The following KIF26B variants were observed in gnomAD, a reference collection of about 807,000 sequenced individuals.
KIF26B encodes the protein kinesin family member 26B.
A neutral mutation model predicts 151.2 loss-of-function variants in KIF26B; 63 were observed. That is an observed-to-expected ratio of 0.42 (90% CI 0.34 to 0.51). The LOEUF (loss-of-function observed/expected upper bound fraction) is 0.51, where lower values mean the gene tolerates loss of function less well. Ranked by LOEUF, KIF26B falls within the 20% of genes least tolerant of loss-of-function variation. The pLI, the probability that KIF26B is intolerant of heterozygous loss-of-function variation, is 0.07. For synonymous variants in KIF26B, 1,357 were observed against 1,262.1 expected, an observed-to-expected ratio of 1.08 and a Z score of -1.59; for missense variants, 2,813 against 2,913.6, an observed-to-expected ratio of 0.97 and a Z score of 0.79.
intron 3 of KIF26B, among the ~76,000 whole-genome samples, chr1:245,411,216 G>A (rs1674273941): frequency 6.6e-6 from 1 of 152,192 alleles, no homozygotes; most frequent in African/African-American, 2.4e-5. Flanking sequence ...ACCCTGCCAG[G>A]GAAAGGCATC....
intron 5 of KIF26B, among the ~76,000 whole-genome samples, chr1:245,593,965 G>A (rs2103138945): frequency 6.6e-6 from 1 of 152,196 alleles, no homozygotes; most frequent in South Asian, 2.1e-4. Context: ...CCACATAAAT[G>A]TTTTCTTTTG....
intron 9 of KIF26B, among the ~76,000 whole-genome samples, chr1:245,612,462 A>G (rs1244719405): frequency 6.6e-6 from 1 of 152,190 alleles, no homozygotes; most frequent in East Asian, 1.9e-4. Context: ...GTAATTCAAG[A>G]TAATTATAGT....
chr1:245,227,424 C>T lies in KIF26B; in HGVS notation c.465+70741C>T, dbSNP rs1265055138. Among the ~76,000 whole-genome samples, 2 of 152,196 alleles carry T rather than the reference C, an allele frequency of 1.3e-5. No homozygotes were observed. Among genetic ancestry groups the T allele is most frequent in the Non-Finnish European group, 2.9e-5 (2 of 68,034 alleles). On this transcript the variant is annotated intron_variant, in intron 2 of 14. Transcript: ENST00000407071. The surrounding 1 kb of genome is among the most constrained non-coding windows in gnomAD (Gnocchi z 4.1). The stretch of plus-strand genomic sequence containing the variant: ...ACCTCTGCATCTGGGCCTAAGGCTG[C>T]GGCCTCCGTCCTCTTCGCCATCATT...
intron 4 of KIF26B, among the ~76,000 whole-genome samples, chr1:245,451,408 T>G (rs1381684812): frequency 6.6e-6 from 1 of 151,962 alleles, no homozygotes; most frequent in Non-Finnish European, 1.5e-5. Context: ...TTATTACATT[T>G]ATTTATTTCT....
intron 4 of KIF26B, among the ~76,000 whole-genome samples, chr1:245,510,338 G>T (rs1331714394): frequency 6.6e-6 from 1 of 152,184 alleles, no homozygotes; most frequent in African/African-American, 2.4e-5. Flanking sequence ...ATATATATCT[G>T]CATCTGTTTG....
chr1:245,566,764 C>T (rs762729857), intron 5 of KIF26B, among the ~76,000 whole-genome samples: 1 of 152,122 alleles, frequency 6.6e-6, no homozygotes. Flanking sequence ...CCCATCTCTA[C>T]TAAAATACAA....
chr1:245,243,473 T>C (rs12736639), intron 2 of KIF26B, among the ~76,000 whole-genome samples: 121 of 98,618 alleles, frequency 1.2e-3, no homozygotes, highest in East Asian at 5.6e-3. Flanking sequence ...CACACACACA[T>C]ATATATATAC....
At chr1:245,621,850 A>AT (rs2043666094) in intron 9 of KIF26B, among the ~76,000 whole-genome samples, 1 of 152,208 alleles carries the variant, frequency 6.6e-6, no homozygotes, top group Non-Finnish European at 1.5e-5. Flanking sequence ...CAGAGAGTAG[A>AT]TTTTCCATTG....
chr1:245,688,665 C>T lies in KIF26B; in HGVS notation c.5682C>T (p.Gly1894=), dbSNP rs774742790. 3 of 1,604,024 alleles carry T rather than the reference C, an allele frequency of 1.9e-6. No individual in the cohort carries two copies. The highest frequency in any genetic ancestry group is 2.3e-5 in the East Asian group (1 of 44,412). Residue 1894 remains glycine (G), a synonymous_variant, in exon 12 of 15, where the codon GGC becomes GGT. Transcript: ENST00000407071. ...CGGCCCTGTTCTACCACAGCGGCGG[C>T]AGCAGCGGCTACGAGAGCGTGATGC... The part of the protein sequence containing the change: ...GKTALFYHSG[G]SSGYESVMRD...
At chr1:245,348,815 C>T (rs1672509278) in intron 2 of KIF26B, among the ~76,000 whole-genome samples, 1 of 152,186 alleles carries the variant, frequency 6.6e-6, no homozygotes. Flanking sequence ...CAACTCGCCC[C>T]CACCCAGTCC....
chr1:245,356,253 G>A (rs1230710789), intron 2 of KIF26B, among the ~76,000 whole-genome samples: 1 of 152,132 alleles, frequency 6.6e-6, no homozygotes, highest in African/African-American at 2.4e-5. Flanking sequence ...AAAGCAAAAA[G>A]GGATAAAAAT....
intron 2 of KIF26B, among the ~76,000 whole-genome samples, chr1:245,199,281 C>T (rs530134471): frequency 4.6e-5 from 7 of 152,206 alleles, no homozygotes; most frequent in Non-Finnish European, 2.9e-5. Flanking sequence ...GGCAAATACA[C>T]GCAAGTGTGC....
intron 4 of KIF26B, among the ~76,000 whole-genome samples, chr1:245,486,857 G>A (rs1210839569): frequency 2.0e-5 from 3 of 152,182 alleles, no homozygotes; most frequent in Non-Finnish European, 4.4e-5. Flanking sequence ...TTTTTGCAGA[G>A]ACAGGGTCTC....
intron 5 of KIF26B, among the ~76,000 whole-genome samples, chr1:245,578,104 C>T (rs937374930): frequency 3.3e-5 from 5 of 152,238 alleles, no homozygotes. Context: ...ACGAATAGAA[C>T]TTGGCCCAGT....
intron 2 of KIF26B, among the ~76,000 whole-genome samples, chr1:245,338,479 C>T (rs910140105): frequency 1.3e-5 from 2 of 152,182 alleles, no homozygotes; most frequent in Admixed American, 6.5e-5. Context: ...GTCCCCAATC[C>T]AGATGTTGGG....
chr1:245,688,884 T>C (rs1056569376), intron 12 of KIF26B, 77 bp downstream of exon 12: 6 of 1,462,210 alleles, frequency 4.1e-6, no homozygotes, highest in Non-Finnish European at 5.4e-6. Context: ...TGCCAGGGTG[T>C]CCCGTGCCCT....
chr1:245,629,308 A>G (rs1171129302), intron 9 of KIF26B, among the ~76,000 whole-genome samples: 2 of 152,208 alleles, frequency 1.3e-5, no homozygotes, highest in Non-Finnish European at 2.9e-5. Flanking sequence ...ATCAAAAAGA[A>G]CAAAGCTGGG....
chr1:245,688,914 C>T (rs966584182), intron 12 of KIF26B, 107 bp downstream of exon 12: 40 of 1,356,328 alleles, frequency 2.9e-5, no homozygotes, highest in Admixed American at 1.2e-4. Flanking sequence ...GCGTCCAGGC[C>T]TGGCCTCTCC....
chr1:245,155,916 G>T (rs1018384746), intron 1 of KIF26B, among the ~76,000 whole-genome samples: 1 of 152,104 alleles, frequency 6.6e-6, no homozygotes, highest in Non-Finnish European at 1.5e-5. Flanking sequence ...CCCCCATAGG[G>T]TCTTCCAGGA....
Sources: allele counts gnomAD v4.1 joint callset (sites outside exome capture counted in the v4.1 genomes callset), GRCh38; gene constraint gnomAD v4.1.1; non-coding constraint Gnocchi (gnomAD v3.1); transcripts MANE v1.5; gene names NCBI Gene and HGNC (gene_info 2026-07-23, HGNC 2026-07-21).